Variants in CCDC88C observed in about 807,000 individuals in gnomAD.
CCDC88C encodes coiled-coil and HOOK domain protein 88C.
CCDC88C carries 131 observed loss-of-function variants against 198.8 expected under a neutral mutation model. The ratio of observed to expected loss-of-function variants is 0.66; its 90% CI spans 0.57 to 0.76. CCDC88C has a LOEUF of 0.76. Ranked by LOEUF, CCDC88C falls within the 30% of genes least tolerant of loss-of-function variation. CCDC88C has a pLI of 0.00. For missense variants in CCDC88C, 2,553 were observed against 2,631.6 expected (o/e 0.97, Z 0.65); for synonymous variants, 1,166 against 1,114.7 (o/e 1.05, Z -0.92).
intron 10 of CCDC88C, among the ~76,000 whole-genome samples, chr14:91,326,676 G>T (rs1241088801): frequency 6.6e-6 from 1 of 152,236 alleles, no homozygotes; most frequent in Non-Finnish European, 1.5e-5. Context: ...AACAAGGAAG[G>T]AGTGGGGTTG....
In CCDC88C at chr14:91,338,675, C is replaced by A; in HGVS notation, c.810-105G>T. 1.2e-6 allele frequency: 1 copy of A among 850,934 alleles called. No individual in the cohort carries two copies. The highest frequency in any genetic ancestry group is 1.5e-5 in the South Asian group (1 of 68,174). 52.7% of individuals were successfully genotyped at this position (850,934 alleles called of 1,614,324 possible). A position where few individuals can be genotyped will look rare whatever the true frequency, so the allele number is the denominator to read the frequency against. ...AAACCTGTGGGAAAAGGAAAGGACT[C>A]GGGATTTGGGCGGTGGGGAGGCGAT... On this transcript the variant is annotated intron_variant, in intron 8 of 29. Transcript: ENST00000389857. The surrounding 1 kb of genome is among the most constrained non-coding windows in gnomAD (Gnocchi z 4.8).
chr14:91,303,793 T>C lies in CCDC88C; in HGVS notation c.3543A>G (p.Gln1181=), dbSNP rs759631877. 177 of 1,611,710 alleles carry C rather than the reference T, an allele frequency of 1.1e-4. No homozygotes were observed. The highest frequency in any genetic ancestry group is 8.7e-4 in the Admixed American group (52 of 59,954). ...GGATGAGGGCCTCGTACTCGGCCGA[T>C]TGCCGCTCGTGCAGCGTGCCCAGGT... ...HEHLGTLHER[Q]SAEYEALIRQ... The change falls in exon 20 of 30, where the codon CAA becomes CAG. Residue 1181 remains glutamine (Q), a synonymous_variant. Coordinates refer to ENST00000389857, the MANE Select transcript of CCDC88C (RefSeq NM_001080414.4).
chr14:91,409,968 T>C (rs1485994433), intron 2 of CCDC88C, among the ~76,000 whole-genome samples: 1 of 152,188 alleles, frequency 6.6e-6, no homozygotes, highest in Non-Finnish European at 1.5e-5. Context: ...TGGTGTACAA[T>C]GCACCCTGTA....
intron 2 of CCDC88C, among the ~76,000 whole-genome samples, chr14:91,410,952 G>A (rs1886758078): frequency 6.6e-6 from 1 of 152,102 alleles, no homozygotes; most frequent in Admixed American, 6.5e-5. Context: ...CTCAGGGTCG[G>A]GAACCTGGGA....
Position 91,390,255 on chromosome 14 carries a change from G to A in CCDC88C, c.270+18404C>T, listed in dbSNP as rs149440760. Among the ~76,000 whole-genome samples the A allele has an allele frequency of 2.3e-3, 346 of 152,220 alleles. 2 individuals are homozygous for A. Among genetic ancestry groups the A allele is most frequent in the African/African-American group, 7.8e-3 (324 of 41,536 alleles). The stretch of plus-strand genomic sequence containing the variant: ...TCACACACATTCTTAGTAGATGCCC[G>A]ATTCTGCTCCTTGACACAGATTTAA... On this transcript the variant is annotated intron_variant, in intron 3 of 29. Transcript: ENST00000389857.
intron 4 of CCDC88C, among the ~76,000 whole-genome samples, chr14:91,349,451 C>T (rs1035167833): frequency 1.3e-5 from 2 of 152,206 alleles, no homozygotes; most frequent in African/African-American, 2.4e-5. Context: ...TACACTTACT[C>T]GAGCTGCTGT....
intron 3 of CCDC88C, among the ~76,000 whole-genome samples, chr14:91,402,658 T>C (rs1051807507): frequency 2.6e-5 from 4 of 152,208 alleles, no homozygotes; most frequent in Non-Finnish European, 5.9e-5. Context: ...CAGGGCTTAG[T>C]AGTGGCTGCT....
chr14:91,318,580 C>A (rs1238451478), intron 13 of CCDC88C, among the ~76,000 whole-genome samples: 1 of 152,166 alleles, frequency 6.6e-6, no homozygotes, highest in East Asian at 1.9e-4. Context: ...TCGTAGAAGT[C>A]CCATGAGGGA....
intron 4 of CCDC88C, among the ~76,000 whole-genome samples, chr14:91,354,048 C>T (rs1262220719): frequency 6.6e-6 from 1 of 152,192 alleles, no homozygotes. Flanking sequence ...CTATGGGGAC[C>T]TCCATGCTGT....
At chr14:91,345,164 A>G (rs181406619) in intron 4 of CCDC88C, among the ~76,000 whole-genome samples, 26 of 122,646 alleles carry the variant, frequency 2.1e-4, no homozygotes, top group Middle Eastern at 4.3e-3. Flanking sequence ...CAGAGGTTCA[A>G]TTTATATATA....
At chr14:91,283,271 G>A in intron 26 of CCDC88C, 58 bp downstream of exon 26, 1 of 1,537,644 alleles carries the variant, frequency 6.5e-7, no homozygotes, top group Non-Finnish European at 8.9e-7. Context: ...AGAGCCTGGG[G>A]TCTTCAGGAA....
intron 3 of CCDC88C, among the ~76,000 whole-genome samples, chr14:91,363,879 G>A (rs761930325): frequency 1.3e-5 from 2 of 152,236 alleles, no homozygotes; most frequent in African/African-American, 4.8e-5. Context: ...GGAGGCTGCT[G>A]ACGAGGGGAC....
chr14:91,366,528 A>G (rs1894551203), intron 3 of CCDC88C, among the ~76,000 whole-genome samples: 2 of 152,086 alleles, frequency 1.3e-5, no homozygotes, highest in African/African-American at 4.8e-5. Flanking sequence ...ACAAACAAAA[A>G]ACCATGTATC....
chr14:91,308,832 G>C (rs1891673161), intron 16 of CCDC88C, among the ~76,000 whole-genome samples: 1 of 152,204 alleles, frequency 6.6e-6, no homozygotes, highest in Non-Finnish European at 1.5e-5. Flanking sequence ...AGGTTAAGTG[G>C]TAAGTCTAAG....
rs375410799 is a variant in CCDC88C at position 91,307,137 on chromosome 14, G to A, written c.3096C>T (p.Ala1032=). The A allele has an allele frequency of 4.3e-6, 7 of 1,613,800 alleles. No homozygotes were observed. Among genetic ancestry groups the A allele is most frequent in the South Asian group, 1.1e-5 (1 of 91,090 alleles). Residue 1032 remains alanine (A), a synonymous_variant, in exon 18 of 30, where the codon GCC becomes GCT. Coordinates refer to ENST00000389857, the MANE Select transcript of CCDC88C (RefSeq NM_001080414.4). ...AGGCCTCCTTCCCCTGGTGACTGGC[G>A]GCTGTCTTCCCCGCAGGGTGCTTGA... The part of the protein sequence containing the change: ...NSFKHPAGKT[A]ASHQGKEAWG...
intron 26 of CCDC88C, 51 bp downstream of exon 26, chr14:91,283,278 G>A: frequency 4.5e-6 from 7 of 1,568,504 alleles, no homozygotes; most frequent in Non-Finnish European, 5.2e-6. Context: ...GGGGTCTTCA[G>A]GAAGGACACT....
At chr14:91,333,620 G>A (rs1240476639) in intron 10 of CCDC88C, among the ~76,000 whole-genome samples, 1 of 152,216 alleles carries the variant, frequency 6.6e-6, no homozygotes, top group African/African-American at 2.4e-5. Context: ...TTTGTTCTTC[G>A]CTTGCCTTTT....
In CCDC88C at chr14:91,338,142, C is replaced by G. The variant is rs755409670; in HGVS notation, c.913G>C (p.Ala305Pro). The stretch of plus-strand genomic sequence containing the variant: ...TCTCGATAGGCACGAGCAGACCGGG[C>G]GTCTGCCGCTAGCTGGATGTTCTGC... Reference protein sequence around the residue: ...KQENIQLAADARSARAYRDEL... With the variant: ...KQENIQLAADPRSARAYRDEL... The change falls in exon 10 of 30, where the codon GCC (alanine) becomes CCC (proline). Residue 305 changes from alanine to proline, a missense_variant. Physicochemically the swap from Ala to Pro is conservative, Grantham distance 27 (BLOSUM62 -1). Coordinates refer to ENST00000389857, the MANE Select transcript of CCDC88C (RefSeq NM_001080414.4). The surrounding 1 kb of genome is among the most constrained non-coding windows in gnomAD (Gnocchi z 4.8). The G allele has an allele frequency of 2.5e-6, 4 of 1,613,678 alleles. No individual in the cohort carries two copies. Among genetic ancestry groups the G allele is most frequent in the Non-Finnish European group, 3.4e-6 (4 of 1,179,848 alleles).
chr14:91,361,129 T>TAA (rs58164336), intron 3 of CCDC88C, among the ~76,000 whole-genome samples: 1,620 of 117,858 alleles, frequency 0.014, 33 homozygotes, highest in African/African-American at 0.046. Flanking sequence ...ACCCTGTCTA[T>TAA]AAAAAAAAAA....
Sources: allele counts gnomAD v4.1 joint callset (sites outside exome capture counted in the v4.1 genomes callset), GRCh38; gene constraint gnomAD v4.1.1; non-coding constraint Gnocchi (gnomAD v3.1); transcripts MANE v1.5; gene names NCBI Gene and HGNC (gene_info 2026-07-23, HGNC 2026-07-21).